CFHR2: variants seen among roughly 807,000 people sequenced by gnomAD.
CFHR2 encodes complement factor H-related protein 2.
A neutral mutation model predicts 21.7 loss-of-function variants in CFHR2; 22 were observed. The ratio of observed to expected loss-of-function variants is 1.01; its 90% CI spans 0.72 to 1.45. The LOEUF (loss-of-function observed/expected upper bound fraction) is 1.45, where lower values mean the gene tolerates loss of function less well. Ranked by LOEUF, CFHR2 falls within the 40% of genes most tolerant of loss-of-function variation. The pLI is 0.00. For synonymous variants in CFHR2, 98 were observed against 97.4 expected, an observed-to-expected ratio of 1.01 and a Z score of -0.04; for missense variants, 294 against 293.3, an observed-to-expected ratio of 1.00 and a Z score of -0.02.
chr1:196,948,215 C>T (rs958319278), intron 1 of CFHR2, among the ~76,000 whole-genome samples: 49 of 152,188 alleles, frequency 3.2e-4, no homozygotes, highest in Admixed American at 2.7e-3. Flanking sequence ...GTCTCTAAGA[C>T]AGAATGATGT....
intron 3 of CFHR2, among the ~76,000 whole-genome samples, chr1:196,957,009 T>C (rs1652910879): frequency 6.6e-6 from 1 of 152,190 alleles, no homozygotes; most frequent in South Asian, 2.1e-4. Context: ...GGTTCCTCAG[T>C]TGACCTCTGT....
chr1:196,947,881 C>CG (rs1024767935), intron 1 of CFHR2, among the ~76,000 whole-genome samples: 15 of 152,034 alleles, frequency 9.9e-5, no homozygotes, highest in African/African-American at 2.9e-4. Context: ...ATTATATTGA[C>CG]GGTGAGGGAG....
chr1:196,944,119 A>G (rs533138023), intron 1 of CFHR2, among the ~76,000 whole-genome samples, 181 bp downstream of exon 1: 1 of 119,772 alleles, frequency 8.3e-6, no homozygotes, highest in Admixed American at 7.8e-5. Context: ...ATAGAATAAA[A>G]TTAGTTATCT....
rs2125008366 is a variant in CFHR2, at chr1:196,951,028, A to G, written c.430A>G (p.Ile144Val). Residue 144 changes from isoleucine (I) to valine (V), a missense_variant and splice_region_variant, in exon 3 of 5, where the codon ATT becomes GTT. Coordinates refer to ENST00000367415, the MANE Select transcript of CFHR2 (RefSeq NM_005666.4). Reference sequence around the variant, plus strand: ...CACTCCTCCCAAATGCAGGTCCACTAGTAAGTGCAATGTTGTTCTCTCAGA... The same window carrying G: ...CACTCCTCCCAAATGCAGGTCCACTGGTAAGTGCAATGTTGTTCTCTCAGA... Reference protein sequence around the residue: ...WSTPPKCRSTISAEKCGPPPP... With the variant: ...WSTPPKCRSTVSAEKCGPPPP... 1.2e-6 allele frequency: 2 copies of G among 1,614,028 alleles called. No individual in the cohort carries two copies. The highest frequency in any genetic ancestry group is 8.5e-7 in the Non-Finnish European group (1 of 1,179,946).
rs570359618 is a variant in CFHR2, at chr1:196,953,337, C to A, written c.430+2309C>A. The stretch of plus-strand genomic sequence containing the variant: ...TCACTGTGTTGCCCAGGCTGGAGTA[C>A]AATGGTGGGATCTTGGCTCCCTGCA... On this transcript the variant is annotated intron_variant, in intron 3 of 4. Coordinates refer to ENST00000367415, the MANE Select transcript of CFHR2 (RefSeq NM_005666.4). 5.3e-5 allele frequency among the ~76,000 whole-genome samples: 8 copies of A among 152,142 alleles called. No individual in the cohort carries two copies. The South Asian group carries it at 1.7e-3, about 32-fold the overall frequency.
chr1:196,956,300 T>C (rs1300272870), intron 3 of CFHR2, among the ~76,000 whole-genome samples: 1 of 152,228 alleles, frequency 6.6e-6, no homozygotes, highest in East Asian at 1.9e-4. Flanking sequence ...TTTTGATAGA[T>C]TTGGAATAGT....
intron 4 of CFHR2, 47 bp downstream of exon 4, chr1:196,958,120 G>T (rs777849820): frequency 6.5e-7 from 1 of 1,549,232 alleles, no homozygotes; most frequent in African/African-American, 1.4e-5. Flanking sequence ...TCAGTGTGAT[G>T]AGTCTGATAT....
Position 196,949,448 on chromosome 1 carries a change from T to C in CFHR2, c.59-7T>C. ...TGTAATTCTTCAGTTTTGTGTTATT[T>C]TCCCAGCAATGTTCTGTGATTTTCC... On this transcript the variant is annotated splice_polypyrimidine_tract_variant and splice_region_variant and intron_variant, in intron 1 of 4. Transcript: ENST00000367415. The C allele has an allele frequency of 6.2e-7, 1 of 1,607,326 alleles. No homozygotes were observed. Among genetic ancestry groups the C allele is most frequent in the Non-Finnish European group, 8.5e-7 (1 of 1,175,510 alleles).
rs759784647 is a variant in CFHR2, at chr1:196,959,033, A to G, written c.766A>G (p.Met256Val). 1 of 1,612,366 alleles carries G rather than the reference A, an allele frequency of 6.2e-7. No homozygotes were observed. The change falls in exon 5 of 5, where the codon ATG becomes GTG. Residue 256 changes from methionine to valine, a missense_variant. Transcript: ENST00000367415. ...HPTKSHSFRA[M>V]CQNGKLVYPS... Reference sequence around the variant, plus strand: ...AACAAAATCTCATTCATTTCGAGCAATGTGTCAGAATGGGAAACTGGTATA... The same window carrying G: ...AACAAAATCTCATTCATTTCGAGCAGTGTGTCAGAATGGGAAACTGGTATA...
At chr1:196,954,556 C>T (rs953074475) in intron 3 of CFHR2, among the ~76,000 whole-genome samples, 2 of 152,140 alleles carry the variant, frequency 1.3e-5, no homozygotes, top group African/African-American at 4.8e-5. Context: ...ATTTCCCTTC[C>T]ACTCTGCCCT....
chr1:196,949,540 G>A lies in CFHR2; in HGVS notation c.144G>A (p.Gly48=). ...AGCCATTTTCCCAAGTTCCTACAGG[G>A]GAAGTTTTCTATTACTCCTGTGAAT... ...KYKPFSQVPT[G]EVFYYSCEYN... Residue 48 remains glycine (G), a synonymous_variant, in exon 2 of 5, where the codon GGG becomes GGA. Coordinates refer to ENST00000367415, the MANE Select transcript of CFHR2 (RefSeq NM_005666.4). The A allele has an allele frequency of 6.2e-7, 1 of 1,613,922 alleles. No individual in the cohort carries two copies. The highest frequency in any genetic ancestry group is 8.5e-7 in the Non-Finnish European group (1 of 1,179,928).
chr1:196,956,137 A>T (rs562396149), intron 3 of CFHR2, among the ~76,000 whole-genome samples: 2 of 152,302 alleles, frequency 1.3e-5, no homozygotes, highest in South Asian at 4.1e-4. Flanking sequence ...ACAATTCAAG[A>T]TAAGATGTGA....
chr1:196,947,840 C>T (rs899842686), intron 1 of CFHR2, among the ~76,000 whole-genome samples: 3 of 151,828 alleles, frequency 2.0e-5, no homozygotes, highest in Admixed American at 6.6e-5. Flanking sequence ...CAAGAGTGAA[C>T]CCCAACATAA....
At chr1:196,950,770 A>T in intron 2 of CFHR2, 82 bp from the exon 3 acceptor site, 2 of 1,493,110 alleles carry the variant, frequency 1.3e-6, no homozygotes, top group Non-Finnish European at 9.2e-7. Flanking sequence ...ACTTCACCCT[A>T]TTTATTAAAA....
rs369099352 is a variant in CFHR2 at position 196,959,095 on chromosome 1, C to T, written c.*15C>T. 1.3e-6 allele frequency: 2 copies of T among 1,534,536 alleles called. No homozygotes were observed. The highest frequency in any genetic ancestry group is 2.3e-5 in the East Asian group (1 of 44,124). ...AAGAAAAATAGAATCAATGGCATTA[C>T]TATTAGTAAAATGCACACCTTTTTC... On this transcript the variant is annotated 3_prime_UTR_variant, in exon 5 of 5. Transcript: ENST00000367415.
chr1:196,954,006 A>G (rs1003608978), intron 3 of CFHR2, among the ~76,000 whole-genome samples: 1 of 152,252 alleles, frequency 6.6e-6, no homozygotes, highest in Non-Finnish European at 1.5e-5. Context: ...TTGAATCAGA[A>G]GATATTCATA....
chr1:196,946,041 C>T (rs1558265828), intron 1 of CFHR2, among the ~76,000 whole-genome samples: 3 of 151,890 alleles, frequency 2.0e-5, no homozygotes, highest in Admixed American at 6.6e-5. Context: ...ATATGTTTAT[C>T]TCAATATAGC....
intron 3 of CFHR2, among the ~76,000 whole-genome samples, chr1:196,956,585 C>A (rs149041496): frequency 6.6e-6 from 1 of 152,090 alleles, no homozygotes; most frequent in African/African-American, 2.4e-5. Context: ...ATTAATATTG[C>A]TCTGTATTGA....
intron 1 of CFHR2, among the ~76,000 whole-genome samples, chr1:196,947,449 A>G (rs1000669367): frequency 6.6e-6 from 1 of 152,180 alleles, no homozygotes; most frequent in Non-Finnish European, 1.5e-5. Flanking sequence ...AGTGAAGGAT[A>G]ACTAAAAGAG....
Sources: allele counts gnomAD v4.1 joint callset (sites outside exome capture counted in the v4.1 genomes callset), GRCh38; gene constraint gnomAD v4.1.1; transcripts MANE v1.5; gene names NCBI Gene and HGNC (gene_info 2026-07-23, HGNC 2026-07-21).